KLF12: variants seen among roughly 807,000 people sequenced by gnomAD.
KLF12 encodes the protein KLF transcription factor 12, also known as Krueppel-like factor 12.
Under a neutral mutation model 37.8 loss-of-function variants are expected in KLF12, and 9 were observed. The observed-to-expected ratio is 0.24, with a 90% confidence interval of 0.14 to 0.42. The LOEUF (loss-of-function observed/expected upper bound fraction) is 0.42, where lower values mean the gene tolerates loss of function less well. KLF12 is among the 10% of genes least tolerant of loss of function. The pLI, the probability that KLF12 is intolerant of heterozygous loss-of-function variation, is 1.00. For synonymous variants in KLF12, 208 were observed against 202.1 expected (o/e 1.03, Z -0.25); for missense variants, 411 against 516.0 (o/e 0.80, Z 1.97).
intron 1 of KLF12, among the ~76,000 whole-genome samples, chr13:74,070,247 A>C (rs1468753897): frequency 6.6e-6 from 1 of 152,208 alleles, no homozygotes; most frequent in African/African-American, 2.4e-5. Flanking sequence ...AGCAGGAAGT[A>C]ATCAACCACA....
intron 3 of KLF12, among the ~76,000 whole-genome samples, chr13:73,894,681 C>T (rs952201719): frequency 2.0e-5 from 3 of 152,154 alleles, no homozygotes; most frequent in Non-Finnish European, 4.4e-5. Flanking sequence ...CGCATATACA[C>T]ACTGAATAGG....
At chr13:73,919,375 C>T (rs1889006928) in intron 3 of KLF12, among the ~76,000 whole-genome samples, 1 of 152,152 alleles carries the variant, frequency 6.6e-6, no homozygotes, top group African/African-American at 2.4e-5. Context: ...AAAACAACTG[C>T]CTTTTATGAT....
intron 1 of KLF12, among the ~76,000 whole-genome samples, chr13:74,094,214 T>G (rs1343840580): frequency 2.0e-5 from 3 of 152,220 alleles, no homozygotes; most frequent in African/African-American, 7.2e-5. Flanking sequence ...TTTATCTACT[T>G]GAATTAGCTA....
intron 3 of KLF12, among the ~76,000 whole-genome samples, chr13:73,890,653 A>G (rs533184472): frequency 6.6e-6 from 1 of 151,808 alleles, no homozygotes; most frequent in East Asian, 1.9e-4. Flanking sequence ...AGACTAGACC[A>G]AATCAGAATG....
chr13:74,020,520 A>G (rs899013121), intron 1 of KLF12, among the ~76,000 whole-genome samples: 1 of 152,156 alleles, frequency 6.6e-6, no homozygotes, highest in Non-Finnish European at 1.5e-5. Context: ...AACCCAAGAC[A>G]CATGTTTTCT....
chr13:74,209,242 G>C, the KLF12 span, among the ~76,000 whole-genome samples: 171 of 151,934 alleles, frequency 1.1e-3, 1 homozygote, highest in African/African-American at 3.5e-3. Context: ...AGTGCAGTGA[G>C]AGCCACTTAA....
intron 1 of KLF12, among the ~76,000 whole-genome samples, chr13:74,069,702 T>C (rs1487607383): frequency 2.0e-5 from 3 of 151,926 alleles, no homozygotes; most frequent in Non-Finnish European, 2.9e-5. Context: ...AGGCAGAAAA[T>C]AGGAGATTAC....
At chr13:74,092,315 T>C (rs1436289213) in intron 1 of KLF12, among the ~76,000 whole-genome samples, 1 of 128,506 alleles carries the variant, frequency 7.8e-6, no homozygotes, top group African/African-American at 3.1e-5. Flanking sequence ...AAAAGAAGAG[T>C]TGGACTTCAT....
intron 1 of KLF12, among the ~76,000 whole-genome samples, chr13:74,094,396 C>T (rs1875856703): frequency 6.6e-6 from 1 of 151,986 alleles, no homozygotes; most frequent in Non-Finnish European, 1.5e-5. Context: ...ACTTCCATAG[C>T]ACTGTGCATT....
chr13:73,882,990 C>T (rs1424820041), intron 3 of KLF12, among the ~76,000 whole-genome samples: 1 of 152,134 alleles, frequency 6.6e-6, no homozygotes, highest in Non-Finnish European at 1.5e-5. Flanking sequence ...TGTAAATCGT[C>T]TTCTGTTAAA....
chr13:74,283,078 C>A, the KLF12 span, among the ~76,000 whole-genome samples: 1 of 152,166 alleles, frequency 6.6e-6, no homozygotes, highest in Non-Finnish European at 1.5e-5. Flanking sequence ...CAATATTTCT[C>A]TACCTTAAAA....
chr13:73,916,980 G>A (rs1197122091), intron 3 of KLF12, among the ~76,000 whole-genome samples: 2 of 152,040 alleles, frequency 1.3e-5, no homozygotes, highest in Non-Finnish European at 2.9e-5. Flanking sequence ...TTGAAGGTAG[G>A]GACATGCACA....
At chr13:73,907,201 T>C (rs565019462) in intron 3 of KLF12, among the ~76,000 whole-genome samples, 15 of 152,306 alleles carry the variant, frequency 9.8e-5, no homozygotes, top group Non-Finnish European at 1.9e-4. Context: ...ATAAAATATA[T>C]GATGGCTCTT....
intron 3 of KLF12, among the ~76,000 whole-genome samples, chr13:73,861,884 C>T (rs768855927): frequency 6.6e-6 from 1 of 152,000 alleles, no homozygotes; most frequent in Non-Finnish European, 1.5e-5. Flanking sequence ...AAAAGTCATG[C>T]AAGGAGTGTG....
At chr13:74,256,049 G>A in the KLF12 span, among the ~76,000 whole-genome samples, 3 of 151,990 alleles carry the variant, frequency 2.0e-5, no homozygotes, top group Non-Finnish European at 4.4e-5. Flanking sequence ...CAGCTACTTG[G>A]GAGGCTGAGG....
chr13:73,782,101 T>A (rs116017640), intron 5 of KLF12, among the ~76,000 whole-genome samples: 2 of 152,220 alleles, frequency 1.3e-5, no homozygotes, highest in Non-Finnish European at 2.9e-5. Context: ...TGTAGTAACA[T>A]GGTTAAGAGT....
At chr13:73,944,218 A>T in intron 2 of KLF12, 148 bp from the exon 3 acceptor site, 1 of 625,288 alleles carries the variant, frequency 1.6e-6, no homozygotes, top group South Asian at 1.8e-5. Flanking sequence ...TATCAGCATA[A>T]CCAATTATCC....
At chr13:73,825,506 C>T (rs920064373) in intron 4 of KLF12, among the ~76,000 whole-genome samples, 1 of 152,208 alleles carries the variant, frequency 6.6e-6, no homozygotes, top group Non-Finnish European at 1.5e-5. Context: ...ACTGGGCTTA[C>T]ACTAACTTCT....
chr13:74,038,232 G>A (rs995465328), intron 1 of KLF12, among the ~76,000 whole-genome samples: 1 of 152,192 alleles, frequency 6.6e-6, no homozygotes, highest in African/African-American at 2.4e-5. Context: ...TGTGTCTGAG[G>A]AATGGGAGGG....
Sources: gnomAD v4.1 joint callset for allele counts (sites outside exome capture counted in the v4.1 genomes callset) on GRCh38, gnomAD v4.1.1 for gene constraint, MANE v1.5 for transcripts, NCBI Gene and HGNC (gene_info 2026-07-23, HGNC 2026-07-21) for gene names.